The following PTN variants were observed in gnomAD, a reference collection of about 807,000 sequenced individuals.
PTN encodes the protein pleiotrophin.
In PTN, 18 loss-of-function variants were observed where a neutral mutation model predicts 24.1. The observed-to-expected ratio is 0.75, with a 90% confidence interval of 0.52 to 1.11. The LOEUF is 1.11. Among genes scored for constraint, PTN ranks in the 50% least tolerant of loss-of-function variants. The probability of loss-of-function intolerance (pLI) is 0.00; values close to 1 mark genes in which losing one functional copy is unlikely to be tolerated. For missense variants in PTN, 163 were observed against 198.8 expected, an observed-to-expected ratio of 0.82 and a Z score of 1.08; for synonymous variants, 78 against 68.6, an observed-to-expected ratio of 1.14 and a Z score of -0.67.
In PTN at chr7:137,248,145, C is replaced by A. The variant is rs1585010976; in HGVS notation, c.451+3085G>T. On this transcript the variant is annotated intron_variant, in intron 4 of 4. Transcript: ENST00000348225. ...ATTCCATTCATTACTATTTGCTTTC[C>A]CATTGATTAGTAGAATGTAAGCTAT... Among the ~76,000 whole-genome samples, 7 of 152,122 alleles carry A rather than the reference C, an allele frequency of 4.6e-5. No homozygotes were observed. In the South Asian group the frequency reaches 1.5e-3, roughly 32 times the overall value.
intron 1 of PTN, among the ~76,000 whole-genome samples, chr7:137,329,181 A>G (rs982373006): frequency 5.3e-5 from 8 of 152,214 alleles, no homozygotes; most frequent in African/African-American, 1.9e-4. Context: ...GTAAAGTTCT[A>G]GTATTGAACT....
intron 1 of PTN, among the ~76,000 whole-genome samples, chr7:137,277,753 A>G (rs1398983734): frequency 6.6e-6 from 1 of 152,032 alleles, no homozygotes; most frequent in Non-Finnish European, 1.5e-5. Flanking sequence ...TATTTTTCAT[A>G]TAGATAAGGT....
chr7:137,292,407 C>T (rs552473107), intron 1 of PTN, among the ~76,000 whole-genome samples: 1 of 152,222 alleles, frequency 6.6e-6, no homozygotes, highest in South Asian at 2.1e-4. Flanking sequence ...TTTTCCTGTA[C>T]TGTTCTCATG....
At chr7:137,304,336 C>G (rs907691141) in intron 1 of PTN, among the ~76,000 whole-genome samples, 12 of 151,908 alleles carry the variant, frequency 7.9e-5, no homozygotes, top group Non-Finnish European at 1.8e-4. Flanking sequence ...ACCCTGGTGC[C>G]TCCCACCCTG....
intron 1 of PTN, among the ~76,000 whole-genome samples, chr7:137,278,945 C>CAATAATAATAATAATAATAAT (rs59932923): frequency 8.2e-5 from 11 of 134,286 alleles, no homozygotes; most frequent in African/African-American, 1.5e-4. Flanking sequence ...CATCTCAGAA[C>CAATAATAATAATAATAATAAT]AATAATAATA....
intron 4 of PTN, among the ~76,000 whole-genome samples, chr7:137,241,413 G>A (rs1439049075): frequency 2.0e-5 from 3 of 152,132 alleles, no homozygotes; most frequent in African/African-American, 4.8e-5. Flanking sequence ...TAAGCTCTCC[G>A]TAAATATAAA....
chr7:137,234,020 T>A (rs1356815288), intron 4 of PTN, among the ~76,000 whole-genome samples: 2 of 151,532 alleles, frequency 1.3e-5, no homozygotes, highest in Non-Finnish European at 3.0e-5. Context: ...AGATTACTCA[T>A]AACTTCACAA....
At chr7:137,272,297 A>C (rs1809288457) in intron 1 of PTN, among the ~76,000 whole-genome samples, 1 of 152,242 alleles carries the variant, frequency 6.6e-6, no homozygotes, top group South Asian at 2.1e-4. Context: ...TTTAGCCAGA[A>C]AGAAGTACTT....
intron 1 of PTN, among the ~76,000 whole-genome samples, chr7:137,306,730 A>G (rs780426421): frequency 1.3e-5 from 2 of 152,142 alleles, no homozygotes; most frequent in Non-Finnish European, 2.9e-5. Context: ...TTATCTTTAC[A>G]TCACTAAATA....
intron 4 of PTN, among the ~76,000 whole-genome samples, chr7:137,250,986 T>G (rs888352720): frequency 6.6e-6 from 1 of 152,198 alleles, no homozygotes; most frequent in Non-Finnish European, 1.5e-5. Flanking sequence ...TTTGCTATGT[T>G]ATTTATTTGG....
At chr7:137,337,491 A>T (rs557933392) in intron 1 of PTN, among the ~76,000 whole-genome samples, 27 of 152,308 alleles carry the variant, frequency 1.8e-4, no homozygotes, top group African/African-American at 2.2e-4. Context: ...AAACATTTTT[A>T]AAAACAGGCC....
intron 4 of PTN, among the ~76,000 whole-genome samples, chr7:137,228,368 G>A (rs943442535): frequency 6.6e-6 from 1 of 151,734 alleles, no homozygotes; most frequent in Non-Finnish European, 1.5e-5. Flanking sequence ...CTTACTGGTT[G>A]CCTTTGTTTG....
chr7:137,249,397 T>C (rs1347061145), intron 4 of PTN, among the ~76,000 whole-genome samples: 1 of 152,066 alleles, frequency 6.6e-6, no homozygotes, highest in Admixed American at 6.6e-5. Flanking sequence ...TGAAACCTTC[T>C]GAGATGCATT....
At chr7:137,256,800 T>TA (rs869031900) in intron 1 of PTN, among the ~76,000 whole-genome samples, 1 of 142,510 alleles carries the variant, frequency 7.0e-6, no homozygotes, top group African/African-American at 2.6e-5. Context: ...AACAAATTTA[T>TA]AAAAAACAAA....
At chr7:137,323,372 T>C (rs1810197729) in intron 1 of PTN, among the ~76,000 whole-genome samples, 3 of 152,248 alleles carry the variant, frequency 2.0e-5, no homozygotes. Flanking sequence ...TATATACTTT[T>C]AGTTAATATA....
At chr7:137,306,029 C>CA (rs981686062) in intron 1 of PTN, among the ~76,000 whole-genome samples, 4 of 152,004 alleles carry the variant, frequency 2.6e-5, no homozygotes, top group African/African-American at 9.7e-5. Flanking sequence ...GAAAAGAACC[C>CA]AAAAAGGGAC....
chr7:137,304,300 C>G (rs987286292), intron 1 of PTN, among the ~76,000 whole-genome samples: 1 of 151,792 alleles, frequency 6.6e-6, no homozygotes, highest in East Asian at 1.9e-4. Context: ...AGCTTTAATT[C>G]AAAAGGTGGC....
intron 1 of PTN, chr7:137,326,559 A>G (rs565663250): frequency 1.3e-5 from 2 of 152,338 alleles, no homozygotes; most frequent in South Asian, 2.1e-4. Flanking sequence ...TAAGAGATCT[A>G]TAGTGAAGTG....
chr7:137,238,869 G>C (rs969788598), intron 4 of PTN, among the ~76,000 whole-genome samples: 1 of 152,070 alleles, frequency 6.6e-6, no homozygotes, highest in African/African-American at 2.4e-5. Flanking sequence ...AATAACAACA[G>C]GTACAACTTA....
Sources: gnomAD v4.1 joint callset for allele counts (sites outside exome capture counted in the v4.1 genomes callset) on GRCh38, gnomAD v4.1.1 for gene constraint, MANE v1.5 for transcripts, NCBI Gene and HGNC (gene_info 2026-07-23, HGNC 2026-07-21) for gene names.